The following KIAA0825 variants were observed in gnomAD, a reference collection of about 807,000 sequenced individuals.
KIAA0825 encodes the protein uncharacterized protein KIAA0825.
Under a neutral mutation model 147.6 loss-of-function variants are expected in KIAA0825, and 119 were observed. The observed-to-expected ratio is 0.81, with a 90% confidence interval of 0.69 to 0.94. The LOEUF (loss-of-function observed/expected upper bound fraction) is 0.94. Ranked by LOEUF, KIAA0825 falls within the 40% of genes least tolerant of loss-of-function variation. The probability of loss-of-function intolerance (pLI) is 0.00; values close to 1 mark genes in which losing one functional copy is unlikely to be tolerated. For synonymous variants in KIAA0825, 470 were observed against 518.1 expected (o/e 0.91, Z 1.26); for missense variants, 1,381 against 1,472.7 (o/e 0.94, Z 1.02).
intron 20 of KIAA0825, 25 bp downstream of exon 20, chr5:94,384,343 C>A (rs759984362): frequency 1.3e-6 from 2 of 1,526,110 alleles, no homozygotes; most frequent in South Asian, 2.4e-5. Flanking sequence ...CTCAACCAGA[C>A]CCCCAAGGTC....
At chr5:94,205,404 C>T (rs1735811024) in intron 20 of KIAA0825, among the ~76,000 whole-genome samples, 1 of 150,784 alleles carries the variant, frequency 6.6e-6, no homozygotes, top group Non-Finnish European at 1.5e-5. Flanking sequence ...TGGGTTCATG[C>T]CATTCTCCTG....
At chr5:94,470,341 G>C (rs561814525) in intron 9 of KIAA0825, among the ~76,000 whole-genome samples, 5 of 151,810 alleles carry the variant, frequency 3.3e-5, no homozygotes, top group African/African-American at 1.2e-4. Flanking sequence ...CTACAAATAC[G>C]CACTTCAACT....
chr5:94,392,265 A>T (rs756904490), intron 17 of KIAA0825, among the ~76,000 whole-genome samples: 27 of 152,320 alleles, frequency 1.8e-4, no homozygotes, highest in Non-Finnish European at 2.4e-4. Flanking sequence ...GTTGCCTTTT[A>T]AAAATATGTG....
intron 20 of KIAA0825, among the ~76,000 whole-genome samples, chr5:94,322,145 A>G (rs1369992606): frequency 6.6e-6 from 1 of 151,954 alleles, no homozygotes; most frequent in East Asian, 1.9e-4. Flanking sequence ...CTCATTGTAA[A>G]GTAGAAACCA....
intron 20 of KIAA0825, among the ~76,000 whole-genome samples, chr5:94,209,125 A>G (rs1027874117): frequency 1.3e-5 from 2 of 152,224 alleles, no homozygotes; most frequent in African/African-American, 2.4e-5. Flanking sequence ...AATTTTAGGT[A>G]ATGGAAGTTT....
intron 2 of KIAA0825, among the ~76,000 whole-genome samples, chr5:94,541,984 T>C (rs1773411899): frequency 6.6e-6 from 1 of 152,252 alleles, no homozygotes; most frequent in African/African-American, 2.4e-5. Context: ...ATAAAATTAT[T>C]GTATGCTACA....
intron 14 of KIAA0825, among the ~76,000 whole-genome samples, chr5:94,424,658 A>G (rs1754616234): frequency 6.6e-6 from 1 of 152,120 alleles, no homozygotes; most frequent in African/African-American, 2.4e-5. Context: ...AAGGAAAGAA[A>G]TCATAAAGAC....
At chr5:94,384,294 C>T (rs113459143) in intron 20 of KIAA0825, 74 bp downstream of exon 20, 271 of 1,016,740 alleles carry the variant, frequency 2.7e-4, no homozygotes, top group African/African-American at 2.6e-3. Context: ...AATCTGTGTA[C>T]GTGTATACAC....
chr5:94,345,874 G>A (rs1695888801), intron 20 of KIAA0825, among the ~76,000 whole-genome samples: 2 of 152,044 alleles, frequency 1.3e-5, no homozygotes, highest in South Asian at 4.1e-4. Flanking sequence ...CACCTCTAAG[G>A]GGGTCCACAT....
At position 94,584,736 on chromosome 5, in the gene KIAA0825, C is replaced by T. The variant is rs139123086; in HGVS notation, c.-152-2153G>A. ...GAAGAGCAACCCCAAGACACACAAT[C>T]GTCAGATTCACTAAGGTTGAAATGA... On this transcript the variant is annotated intron_variant, in intron 1 of 20. Transcript: ENST00000682413. Among the ~76,000 whole-genome samples the T allele has an allele frequency of 4.3e-3, 661 of 152,108 alleles. 7 individuals carry two copies. The highest frequency in any genetic ancestry group is 0.015 in the African/African-American group (630 of 41,498).
chr5:94,251,959 T>C (rs567280964), intron 20 of KIAA0825, among the ~76,000 whole-genome samples: 1 of 152,174 alleles, frequency 6.6e-6, no homozygotes, highest in South Asian at 2.1e-4. Flanking sequence ...GTTTTTTCAT[T>C]ATGGATATTT....
In KIAA0825 at chr5:94,453,001, T is replaced by C. The variant is rs541875989; in HGVS notation, c.2315A>G (p.Tyr772Cys). 3.6e-5 allele frequency: 55 copies of C among 1,532,944 alleles called. 1 individual carries two copies. In the East Asian group the frequency reaches 1.1e-3, roughly 31 times the overall value. 95.0% of individuals were successfully genotyped at this position (1,532,944 alleles called of 1,614,324 possible). The part of the protein sequence containing the change: ...SLKSFFKQPL[Y>C]WVSCISHFYP... Reference sequence around the variant, plus strand: ...GAAATGTGATATGCAAGAAACCCAATATAATGGTTGCTTAAAAAATGATTT... The same window carrying C: ...GAAATGTGATATGCAAGAAACCCAACATAATGGTTGCTTAAAAAATGATTT... The change falls in exon 13 of 21, where the codon TAT becomes TGT. Residue 772 changes from tyrosine (Y) to cysteine (C), a missense_variant. Coordinates refer to ENST00000682413, the MANE Select transcript of KIAA0825 (RefSeq NM_001145678.3).
chr5:94,392,852 T>TA (rs1482033183), intron 17 of KIAA0825, among the ~76,000 whole-genome samples: 1 of 152,134 alleles, frequency 6.6e-6, no homozygotes, highest in Non-Finnish European at 1.5e-5. Context: ...ATAGCCTTGC[T>TA]AAAAAATAAA....
intron 3 of KIAA0825, among the ~76,000 whole-genome samples, chr5:94,529,857 C>A (rs975051867): frequency 6.6e-6 from 1 of 152,132 alleles, no homozygotes; most frequent in Non-Finnish European, 1.5e-5. Flanking sequence ...GTCTAACACA[C>A]AATTATTGAC....
chr5:94,316,557 T>A (rs1035781720), intron 20 of KIAA0825, among the ~76,000 whole-genome samples: 2 of 151,696 alleles, frequency 1.3e-5, no homozygotes, highest in African/African-American at 2.4e-5. Flanking sequence ...TTGATGGCTG[T>A]GGCCTCCTAA....
chr5:94,411,396 G>C (rs1752748970), intron 15 of KIAA0825, among the ~76,000 whole-genome samples: 1 of 152,022 alleles, frequency 6.6e-6, no homozygotes, highest in Admixed American at 6.6e-5. Context: ...TTGATCACTT[G>C]GTCAATTGAT....
At chr5:94,236,345 CAGG>C (rs1307411340) in intron 20 of KIAA0825, among the ~76,000 whole-genome samples, 1 of 152,098 alleles carries the variant, frequency 6.6e-6, no homozygotes, top group Non-Finnish European at 1.5e-5. Flanking sequence ...ATGGAAACAG[CAGG>C]AGAACTTGAA....
rs1241047151 is a variant in KIAA0825, at chr5:94,152,724, A to G, written c.*1283T>C. Reference sequence around the variant, plus strand: ...TAGCTACTCAGGAGGCTGAGGTGGGAGTATTGCTTGAGCCTATGAGTTTGA... The same window carrying G: ...TAGCTACTCAGGAGGCTGAGGTGGGGGTATTGCTTGAGCCTATGAGTTTGA... On this transcript the variant is annotated 3_prime_UTR_variant, in exon 21 of 21. Transcript: ENST00000682413. Among the ~76,000 whole-genome samples the G allele has an allele frequency of 7.0e-6, 1 of 142,136 alleles. No individual in the cohort carries two copies. Among genetic ancestry groups the G allele is most frequent in the South Asian group, 2.3e-4 (1 of 4,336 alleles). The allele number at this position is 142,136 out of a possible 152,430, so 93.2% of individuals were successfully genotyped here. A position where few individuals can be genotyped will look rare whatever the true frequency, so the allele number is the denominator to read the frequency against.
chr5:94,389,152 C>A (rs1749568357), intron 18 of KIAA0825, among the ~76,000 whole-genome samples: 1 of 152,210 alleles, frequency 6.6e-6, no homozygotes, highest in African/African-American at 2.4e-5. Flanking sequence ...AAGCCCCTGG[C>A]CCTATCCCAC....
Sources: gnomAD v4.1 joint callset for allele counts (sites outside exome capture counted in the v4.1 genomes callset) on GRCh38, gnomAD v4.1.1 for gene constraint, MANE v1.5 for transcripts, NCBI Gene and HGNC (gene_info 2026-07-23, HGNC 2026-07-21) for gene names.